Variants in ANO4 observed in about 807,000 individuals in gnomAD.
ANO4 encodes anoctamin-4.
ANO4 carries 69 observed loss-of-function variants against 141.9 expected under a neutral mutation model. The observed-to-expected ratio is 0.49, with a 90% confidence interval of 0.40 to 0.59. The LOEUF (loss-of-function observed/expected upper bound fraction) is 0.59. Ranked by LOEUF, ANO4 falls within the 20% of genes least tolerant of loss-of-function variation. The pLI is 0.00. For missense variants in ANO4, 894 were observed against 1,162.2 expected (o/e 0.77, Z 3.36); for synonymous variants, 350 against 394.3 (o/e 0.89, Z 1.33).
At chr12:101,076,657 G>C (rs2049036859) in intron 14 of ANO4, among the ~76,000 whole-genome samples, 1 of 152,166 alleles carries the variant, frequency 6.6e-6, no homozygotes. Flanking sequence ...AGACAGACTG[G>C]ATGTGAATCC....
rs1453173392 is a variant in ANO4, at chr12:101,037,096, T to G, written c.843T>G (p.Gly281=). Reference sequence around the variant, plus strand: ...AAATGGACTTATTTGCTGTTTTAGGTCTGAATCGTTTGCTTACCAATGGCT... The same window carrying G: ...AAATGGACTTATTTGCTGTTTTAGGGCTGAATCGTTTGCTTACCAATGGCT... ...IKYEEGKNKI[G]LNRLLTNGSY... The change falls in exon 10 of 28, where the codon GGT becomes GGG. Residue 281 remains glycine, a splice_region_variant and synonymous_variant. Coordinates refer to ENST00000392977, the MANE Select transcript of ANO4 (RefSeq NM_001286615.2). 6.2e-7 allele frequency: 1 copy of G among 1,613,998 alleles called. No homozygotes were observed.
At chr12:100,941,727 G>A (rs1246268356) in intron 4 of ANO4, among the ~76,000 whole-genome samples, 1 of 151,378 alleles carries the variant, frequency 6.6e-6, no homozygotes, top group East Asian at 1.9e-4. Context: ...CACATATTCA[G>A]TTTTGCAAGA....
intron 3 of ANO4, among the ~76,000 whole-genome samples, chr12:100,755,249 A>T (rs1039599037): frequency 2.6e-5 from 4 of 152,064 alleles, no homozygotes; most frequent in African/African-American, 9.7e-5. Context: ...ATTTTTGCTT[A>T]TGCTCATCCC....
At chr12:101,102,980 G>T (rs1479446370) in intron 22 of ANO4, among the ~76,000 whole-genome samples, 1 of 151,220 alleles carries the variant, frequency 6.6e-6, no homozygotes, top group South Asian at 2.1e-4. Context: ...AACTGCAAAT[G>T]ATGTTTTTAT....
At chr12:100,996,653 C>G (rs996361964) in intron 8 of ANO4, among the ~76,000 whole-genome samples, 3 of 152,134 alleles carry the variant, frequency 2.0e-5, no homozygotes, top group Non-Finnish European at 4.4e-5. Flanking sequence ...CCACTGCACT[C>G]CAGCCTGGGC....
intron 1 of ANO4, among the ~76,000 whole-genome samples, chr12:100,850,607 A>G (rs1307125680): frequency 6.6e-6 from 1 of 152,240 alleles, no homozygotes; most frequent in African/African-American, 2.4e-5. Context: ...GGCAGAACCT[A>G]GGATCATGAA....
intron 1 of ANO4, among the ~76,000 whole-genome samples, chr12:100,883,044 A>G (rs970547221): frequency 2.0e-5 from 3 of 152,172 alleles, no homozygotes; most frequent in African/African-American, 7.2e-5. Flanking sequence ...TTGTGCTCCT[A>G]ACTACCACAA....
intron 3 of ANO4, among the ~76,000 whole-genome samples, chr12:100,771,614 G>A: frequency 6.6e-6 from 1 of 152,136 alleles, no homozygotes; most frequent in South Asian, 2.1e-4. Flanking sequence ...ATGGACCCAG[G>A]GGCTAGGAGA....
chr12:101,126,018 A>G (rs2051299388), intron 26 of ANO4, among the ~76,000 whole-genome samples: 2 of 151,044 alleles, frequency 1.3e-5, no homozygotes, highest in African/African-American at 4.9e-5. Flanking sequence ...GTCAGACAAA[A>G]CTTTTTAAAA....
At chr12:100,736,884 C>T (rs1280188697) in intron 2 of ANO4, among the ~76,000 whole-genome samples, 6 of 152,166 alleles carry the variant, frequency 3.9e-5, no homozygotes, top group Non-Finnish European at 7.3e-5. Context: ...AACAGATTCT[C>T]CTCTAGAGCC....
intron 8 of ANO4, among the ~76,000 whole-genome samples, chr12:101,001,370 C>T (rs1238406068): frequency 2.0e-5 from 3 of 152,198 alleles, no homozygotes; most frequent in Non-Finnish European, 1.5e-5. Flanking sequence ...GGCAGGTAGA[C>T]ACTCTGGTGC....
At chr12:100,761,375 G>C (rs370367253) in intron 3 of ANO4, among the ~76,000 whole-genome samples, 6 of 152,270 alleles carry the variant, frequency 3.9e-5, no homozygotes, top group Admixed American at 2.0e-4. Context: ...TCACAGCTAA[G>C]ATTTATCATA....
chr12:100,900,926 A>G (rs892011691), intron 1 of ANO4, among the ~76,000 whole-genome samples: 4 of 152,218 alleles, frequency 2.6e-5, no homozygotes, highest in Non-Finnish European at 5.9e-5. Context: ...TGTTTTAAAA[A>G]GATACACATT....
At chr12:100,731,157 T>C (rs2136802859) in intron 1 of ANO4, among the ~76,000 whole-genome samples, 1 of 152,334 alleles carries the variant, frequency 6.6e-6, no homozygotes, top group East Asian at 1.9e-4. Context: ...TTTGACTAAA[T>C]CCTAATAATT....
chr12:100,767,887 G>A (rs919096207), intron 3 of ANO4, among the ~76,000 whole-genome samples: 1 of 152,138 alleles, frequency 6.6e-6, no homozygotes, highest in African/African-American at 2.4e-5. Flanking sequence ...GGCTGGGTCC[G>A]TGGGTGATGG....
At chr12:100,837,726 A>G (rs999127098) in intron 1 of ANO4, among the ~76,000 whole-genome samples, 1,717 of 151,254 alleles carry the variant, frequency 0.011, 29 homozygotes, top group African/African-American at 0.039. Flanking sequence ...TCTCTAAAAA[A>G]AAAAAAAAAA....
At chr12:100,774,104 T>A (rs1056307531) in intron 3 of ANO4, among the ~76,000 whole-genome samples, 4 of 152,152 alleles carry the variant, frequency 2.6e-5, no homozygotes, top group African/African-American at 9.7e-5. Context: ...CCAAGTCCTC[T>A]TATGTAAAAA....
At chr12:100,945,083 G>A (rs1020263514) in intron 5 of ANO4, among the ~76,000 whole-genome samples, 5 of 152,104 alleles carry the variant, frequency 3.3e-5, no homozygotes, top group East Asian at 1.9e-4. Flanking sequence ...TATCTGAAAC[G>A]TTTGACACTA....
intron 9 of ANO4, among the ~76,000 whole-genome samples, chr12:101,029,090 A>T (rs1174075630): frequency 6.6e-6 from 1 of 152,222 alleles, no homozygotes; most frequent in African/African-American, 2.4e-5. Context: ...TAAGCATCAT[A>T]AGCGAAAGAG....
Sources: gnomAD v4.1 joint callset for allele counts (sites outside exome capture counted in the v4.1 genomes callset) on GRCh38, gnomAD v4.1.1 for gene constraint, MANE v1.5 for transcripts, NCBI Gene and HGNC (gene_info 2026-07-23, HGNC 2026-07-21) for gene names.